GPR55: variants seen among roughly 807,000 people sequenced by gnomAD.
The protein encoded by GPR55 is G-protein coupled receptor 55.
A neutral mutation model predicts 7.9 loss-of-function variants in GPR55; 6 were observed. The observed-to-expected ratio is 0.76, with a 90% CI of 0.41 to 1.49. The LOEUF is 1.49. GPR55 is among the 40% of genes most tolerant of loss of function. The pLI is 0.01. For synonymous variants in GPR55, 183 were observed against 166.8 expected, an observed-to-expected ratio of 1.10 and a Z score of -0.75; for missense variants, 376 against 406.0, an observed-to-expected ratio of 0.93 and a Z score of 0.63.
rs963831491 is a variant in GPR55 at position 230,920,913 on chromosome 2, T to TA, written c.-135+4254dup. ...AATCTATTAAAACCAACCATCAATT[T>TA]AAAAAAAACAAAATTCAATCATCTT... is the stretch of plus-strand genomic sequence containing the variant. On this transcript the variant is annotated intron_variant, in intron 1 of 1. Coordinates refer to ENST00000650999, the MANE Select transcript of GPR55 (RefSeq NM_005683.4). Among the ~76,000 whole-genome samples, 71 of 151,804 alleles carry TA rather than the reference T, an allele frequency of 4.7e-4. 1 individual carries two copies. The East Asian group carries it at 0.012, about 26-fold the overall frequency.
intron 1 of GPR55, among the ~76,000 whole-genome samples, chr2:230,950,617 A>T (rs1691385718): frequency 6.6e-6 from 1 of 152,134 alleles, no homozygotes. Flanking sequence ...AATATCATTC[A>T]CAAGAAGTGA....
At chr2:230,926,682 C>CT (rs56318183), upstream of GPR55, among the ~76,000 whole-genome samples, 839 of 100,750 alleles carry the variant, frequency 8.3e-3, 18 homozygotes, top group South Asian at 0.016. Flanking sequence ...TGGCTACCTT[C>CT]TTTTTTTTTT....
Position 230,909,829 on chromosome 2 carries a change from G to T in GPR55, c.*174C>A. On this transcript the variant is annotated 3_prime_UTR_variant, in exon 2 of 2. Coordinates refer to ENST00000650999, the MANE Select transcript of GPR55 (RefSeq NM_005683.4). ...GGGTGGTATAAGCTGTCTGGGCAGTGGAAAAAAGGTCTTTGGGGTATAATG... is the reference window on the plus strand; with the variant it reads ...GGGTGGTATAAGCTGTCTGGGCAGTTGAAAAAAGGTCTTTGGGGTATAATG... 1.5e-6 allele frequency: 1 copy of T among 655,900 alleles called. No homozygotes were observed. The highest frequency in any genetic ancestry group is 2.6e-6 in the Non-Finnish European group (1 of 382,158). 40.6% of individuals were successfully genotyped at this position (655,900 alleles called of 1,614,324 possible). A position where few individuals can be genotyped will look rare whatever the true frequency, so the allele number is the denominator to read the frequency against.
chr2:230,949,553 C>T (rs544803345), intron 1 of GPR55, among the ~76,000 whole-genome samples: 1 of 152,368 alleles, frequency 6.6e-6, no homozygotes, highest in South Asian at 2.1e-4. Context: ...ATCAGCACTT[C>T]TCAAAGTGTG....
intron 1 of GPR55, among the ~76,000 whole-genome samples, chr2:230,943,770 T>C (rs1691271247): frequency 6.6e-6 from 1 of 152,160 alleles, no homozygotes; most frequent in Non-Finnish European, 1.5e-5. Flanking sequence ...TGTTTGAAAG[T>C]GTGCGGCACC....
intron 1 of GPR55, among the ~76,000 whole-genome samples, chr2:230,948,322 A>G (rs574473512): frequency 1.3e-5 from 2 of 151,270 alleles, no homozygotes; most frequent in East Asian, 1.9e-4. Flanking sequence ...CCATCTCCTG[A>G]CCTCTGGGTC....
intron 1 of GPR55, among the ~76,000 whole-genome samples, chr2:230,942,748 C>T (rs565186701): frequency 2.6e-5 from 4 of 151,614 alleles, no homozygotes; most frequent in East Asian, 3.9e-4. Flanking sequence ...GAGAAGGGCC[C>T]GATGGGGAGG....
Position 230,952,723 on chromosome 2 carries a change from C to A in GPR55, c.-135+8052G>T, listed in dbSNP as rs532139677. Among the ~76,000 whole-genome samples the A allele has an allele frequency of 2.0e-5, 3 of 152,296 alleles. No homozygotes were observed. In the South Asian group the frequency reaches 6.2e-4, roughly 32 times the overall value. Reference sequence around the variant, plus strand: ...GGGCATCTGCACAGCTGAAATGGCCCACGGCCACCCTGTCCCCAGGGAACA... The same window carrying A: ...GGGCATCTGCACAGCTGAAATGGCCAACGGCCACCCTGTCCCCAGGGAACA... On this transcript the variant is annotated intron_variant, in intron 1 of 1. Coordinates refer to the GPR55 transcript ENST00000392039.
chr2:230,925,865 T>G (rs1690933411), upstream of GPR55, among the ~76,000 whole-genome samples: 1 of 152,122 alleles, frequency 6.6e-6, no homozygotes, highest in Admixed American at 6.5e-5. Context: ...CTTGGGCCTG[T>G]GGCTTCCTAG....
intron 1 of GPR55, among the ~76,000 whole-genome samples, chr2:230,938,405 A>T (rs1281394083): frequency 6.6e-6 from 1 of 151,838 alleles, no homozygotes. Context: ...ACCAAAAAAA[A>T]AAAAAAAACA....
rs1326469542 is a variant in GPR55 at position 230,944,089 on chromosome 2, A to G, written c.-135+16686T>C. ...GACCAGCAAGAGTAGTGAAGTGAGAAGCCTCTCCATGAAGATGCCTTCTGC... is the reference window on the plus strand; with the variant it reads ...GACCAGCAAGAGTAGTGAAGTGAGAGGCCTCTCCATGAAGATGCCTTCTGC... On this transcript the variant is annotated intron_variant, in intron 1 of 1. Coordinates refer to the GPR55 transcript ENST00000392039. This position sits in a 1 kb window ranked among gnomAD's most constrained non-coding sequence, Gnocchi z 4.2. 6.6e-6 allele frequency among the ~76,000 whole-genome samples: 1 copy of G among 152,140 alleles called. No homozygotes were observed.
At chr2:230,920,684 A>G (rs1690812650) in intron 1 of GPR55, among the ~76,000 whole-genome samples, 1 of 152,242 alleles carries the variant, frequency 6.6e-6, no homozygotes. Flanking sequence ...TATCAATAGC[A>G]TCAAGAAGTT....
rs76496458 is a variant in GPR55 at position 230,953,757 on chromosome 2, T to C, written c.-135+7018A>G. On this transcript the variant is annotated intron_variant, in intron 1 of 1. Coordinates refer to the GPR55 transcript ENST00000392039. Reference sequence around the variant, plus strand: ...CCCTCAGCTGATTATAAGGAGGGCATTAAAGAGCAGGATCTCCTAGGAAAC... The same window carrying C: ...CCCTCAGCTGATTATAAGGAGGGCACTAAAGAGCAGGATCTCCTAGGAAAC... 9.4e-3 allele frequency among the ~76,000 whole-genome samples: 1,427 copies of C among 152,278 alleles called. 15 individuals are homozygous for C. Among genetic ancestry groups the C allele is most frequent in the Non-Finnish European group, 0.013 (895 of 68,006 alleles).
At chr2:230,957,104 T>C (rs1691494171) in intron 1 of GPR55, among the ~76,000 whole-genome samples, 1 of 152,182 alleles carries the variant, frequency 6.6e-6, no homozygotes. Flanking sequence ...CAGTCTGAGG[T>C]ACAACAGCAA....
upstream of GPR55, among the ~76,000 whole-genome samples, chr2:230,927,019 T>C (rs562698536): frequency 2.0e-5 from 3 of 152,314 alleles, no homozygotes; most frequent in Non-Finnish European, 4.4e-5. Flanking sequence ...GAAATGAATA[T>C]TTCTACTTTA....
intron 1 of GPR55, among the ~76,000 whole-genome samples, chr2:230,933,968 C>A (rs988079787): frequency 1.3e-5 from 2 of 152,172 alleles, no homozygotes; most frequent in Non-Finnish European, 2.9e-5. Flanking sequence ...CCAAAGCTTC[C>A]GGTGACCACC....
At chr2:230,939,869 G>T (rs1691195506) in intron 1 of GPR55, among the ~76,000 whole-genome samples, 1 of 152,072 alleles carries the variant, frequency 6.6e-6, no homozygotes, top group African/African-American at 2.4e-5. Context: ...CCAGGGGCAA[G>T]CAGGCTGCAG....
Position 230,946,982 on chromosome 2 carries a change from C to T in GPR55, c.-135+13793G>A, listed in dbSNP as rs138770171. Among the ~76,000 whole-genome samples the T allele has an allele frequency of 2.7e-3, 413 of 152,288 alleles. 3 individuals are homozygous for T. Among genetic ancestry groups the T allele is most frequent in the African/African-American group, 9.5e-3 (393 of 41,552 alleles). ...ACCCCAAAAAGTAAATAAGAATTGG[C>T]ATAGGTTCATGCTGAACTAACCCTA... On this transcript the variant is annotated intron_variant, in intron 1 of 1. Transcript: ENST00000392039.
chr2:230,910,977 C>A lies in GPR55; in HGVS notation c.-15G>T. 1 of 1,581,076 alleles carries A rather than the reference C, an allele frequency of 6.3e-7. No individual in the cohort carries two copies. The highest frequency in any genetic ancestry group is 8.6e-7 in the Non-Finnish European group (1 of 1,159,602). On this transcript the variant is annotated 5_prime_UTR_variant, in exon 2 of 2. Coordinates refer to ENST00000650999, the MANE Select transcript of GPR55 (RefSeq NM_005683.4). The surrounding 1 kb of genome is among the most constrained non-coding windows in gnomAD (Gnocchi z 5.4). ...TGCTGACTCATGTTTCTTCCTACAA[C>A]ACCAACAGATCAGACGGGGCTCCTT...
Sources: gnomAD v4.1 joint callset for allele counts (sites outside exome capture counted in the v4.1 genomes callset) on GRCh38, gnomAD v4.1.1 for gene constraint, Gnocchi (gnomAD v3.1) non-coding constraint, MANE v1.5 for transcripts, NCBI Gene and HGNC (gene_info 2026-07-23, HGNC 2026-07-21) for gene names.